The following ROBO1 variants were observed in gnomAD, a reference collection of about 807,000 sequenced individuals.
ROBO1 encodes the protein roundabout homolog 1.
A neutral mutation model predicts 195.9 loss-of-function variants in ROBO1; 149 were observed. The ratio of observed to expected loss-of-function variants is 0.76; its 90% CI spans 0.67 to 0.87. The LOEUF is 0.87. Ranked by LOEUF, ROBO1 falls within the 40% of genes least tolerant of loss-of-function variation. ROBO1 has a pLI of 0.00. For missense variants in ROBO1, 1,933 were observed against 2,068.3 expected, an observed-to-expected ratio of 0.93 and a Z score of 1.27; for synonymous variants, 816 against 733.2, an observed-to-expected ratio of 1.11 and a Z score of -1.82.
chr3:79,165,316 T>C (rs1185426716), intron 2 of ROBO1, among the ~76,000 whole-genome samples: 1 of 152,228 alleles, frequency 6.6e-6, no homozygotes, highest in Non-Finnish European at 1.5e-5. Flanking sequence ...AGATGTGGCA[T>C]TATAAGTAAT....
intron 3 of ROBO1, chr3:79,018,358 G>T: frequency 6.2e-7 from 1 of 1,609,252 alleles, no homozygotes; most frequent in Non-Finnish European, 8.5e-7. Flanking sequence ...AAAGTGGAGA[G>T]GGGGCGAACA....
chr3:78,637,122 C>T (rs1306358399), intron 22 of ROBO1, among the ~76,000 whole-genome samples: 7 of 142,570 alleles, frequency 4.9e-5, no homozygotes, highest in African/African-American at 1.7e-4. Context: ...CCAACATTAA[C>T]AAGTCACCTG....
intron 2 of ROBO1, among the ~76,000 whole-genome samples, chr3:79,348,067 C>T (rs371630321): frequency 9.9e-5 from 15 of 151,800 alleles, no homozygotes; most frequent in African/African-American, 2.4e-4. Context: ...AAAAATTAGC[C>T]GGGTGTGGTG....
intron 8 of ROBO1, among the ~76,000 whole-genome samples, chr3:78,695,143 T>TAGCA (rs1356668984): frequency 4.1e-5 from 6 of 145,786 alleles, no homozygotes; most frequent in African/African-American, 1.2e-4. Flanking sequence ...GGGGGAGGAC[T>TAGCA]AGCATTAGGA....
intron 2 of ROBO1, among the ~76,000 whole-genome samples, chr3:79,513,706 C>T (rs1940821180): frequency 3.0e-5 from 2 of 65,874 alleles, no homozygotes; most frequent in Admixed American, 2.4e-4. Flanking sequence ...CTGAATTTGC[C>T]ATGGAAAAAA....
intron 3 of ROBO1, among the ~76,000 whole-genome samples, chr3:78,945,904 G>A (rs2107734772): frequency 6.6e-6 from 1 of 151,906 alleles, no homozygotes; most frequent in East Asian, 1.9e-4. Flanking sequence ...CAATCAACTG[G>A]AAGAAAGGGT....
At chr3:79,155,611 G>A (rs2080845392) in intron 2 of ROBO1, among the ~76,000 whole-genome samples, 1 of 151,708 alleles carries the variant, frequency 6.6e-6, no homozygotes, top group Non-Finnish European at 1.5e-5. Context: ...AGTACATGTG[G>A]CAAGAACTGT....
At position 79,500,175 on chromosome 3, in the gene ROBO1, G is replaced by T. The variant is rs1200488617; in HGVS notation, c.88+89649C>A. ...AGAAGAAGTCTCGCTCTGTCGCCCA[G>T]GTTGGAGTGCAATGGTGCTATCTCA... On this transcript the variant is annotated intron_variant, in intron 2 of 30. Coordinates refer to ENST00000464233, the MANE Select transcript of ROBO1 (RefSeq NM_002941.4). 3.8e-4 allele frequency among the ~76,000 whole-genome samples: 52 copies of T among 137,494 alleles called. 1 individual carries two copies. The highest frequency in any genetic ancestry group is 3.1e-5 in the Non-Finnish European group (2 of 65,372). The allele number at this position is 137,494 out of a possible 152,430, so 90.2% of individuals were successfully genotyped here. A position where few individuals can be genotyped will look rare whatever the true frequency, so the allele number is the denominator to read the frequency against.
chr3:78,889,286 C>T (rs1209849576), intron 4 of ROBO1, among the ~76,000 whole-genome samples: 8 of 152,174 alleles, frequency 5.3e-5, no homozygotes, highest in African/African-American at 1.9e-4. Flanking sequence ...AGCACAGTTT[C>T]TCACATATGC....
chr3:79,724,304 A>AC (rs1702820165), intron 1 of ROBO1, among the ~76,000 whole-genome samples: 1 of 152,124 alleles, frequency 6.6e-6, no homozygotes, highest in African/African-American at 2.4e-5. Flanking sequence ...GAAACTCGAA[A>AC]CTCACTTTAA....
chr3:78,636,630 T>C (rs1434994771), intron 22 of ROBO1, among the ~76,000 whole-genome samples: 1 of 151,830 alleles, frequency 6.6e-6, no homozygotes, highest in Non-Finnish European at 1.5e-5. Flanking sequence ...GGAACAGGGG[T>C]AAAATGATAG....
intron 2 of ROBO1, among the ~76,000 whole-genome samples, chr3:79,514,713 T>G (rs1354499322): frequency 6.6e-6 from 1 of 152,116 alleles, no homozygotes; most frequent in Non-Finnish European, 1.5e-5. Context: ...GTGTGAGTGT[T>G]TATGAAACTG....
intron 4 of ROBO1, among the ~76,000 whole-genome samples, chr3:78,843,279 A>G (rs186048984): frequency 1.4e-4 from 21 of 152,250 alleles, no homozygotes; most frequent in Admixed American, 1.2e-3. Context: ...TCTGGTTTTC[A>G]GACTCAAAAT....
chr3:78,863,849 G>A (rs1220462390), intron 4 of ROBO1, among the ~76,000 whole-genome samples: 14 of 152,160 alleles, frequency 9.2e-5, no homozygotes, highest in Admixed American at 9.2e-4. Context: ...CATTTTTGGT[G>A]AGTGCTAGAT....
chr3:78,962,045 C>T (rs72910208), intron 3 of ROBO1, among the ~76,000 whole-genome samples: 22,018 of 151,796 alleles, frequency 0.15, 2,319 homozygotes, highest in African/African-American at 0.31. Context: ...CAGATAAATT[C>T]GTCAACCCTC....
rs201008751 is a variant in ROBO1 at position 78,618,020 on chromosome 3, A to G, written c.3897T>C (p.Pro1299=). 6.2e-7 allele frequency: 1 copy of G among 1,612,848 alleles called. No homozygotes were observed. The highest frequency in any genetic ancestry group is 8.5e-7 in the Non-Finnish European group (1 of 1,179,236). Residue 1299 remains proline (P), a synonymous_variant, in exon 27 of 31, where the codon CCT becomes CCC. Transcript: ENST00000464233. ...GAGGGGAGATCGGCCGTGGTGGTGGAGGAGGACTCACAGGCTGCCGTCTGT... is the reference window on the plus strand; with the variant it reads ...GAGGGGAGATCGGCCGTGGTGGTGGGGGAGGACTCACAGGCTGCCGTCTGT... ...PDRRRQPVSP[P]PPPRPISPPH... is the part of the protein sequence containing the mutation.
chr3:78,799,486 C>A (rs999816244), intron 4 of ROBO1, among the ~76,000 whole-genome samples: 16 of 152,000 alleles, frequency 1.1e-4, no homozygotes, highest in Admixed American at 5.2e-4. Context: ...GGACTACAGG[C>A]GCCCACCACC....
chr3:78,610,292 G>A (rs1703733427), intron 28 of ROBO1, among the ~76,000 whole-genome samples: 1 of 152,070 alleles, frequency 6.6e-6, no homozygotes. Flanking sequence ...TAACTACTAT[G>A]ATGTCCCCTC....
At chr3:78,995,047 A>C (rs896075641) in intron 3 of ROBO1, among the ~76,000 whole-genome samples, 2 of 152,182 alleles carry the variant, frequency 1.3e-5, no homozygotes, top group Non-Finnish European at 2.9e-5. Flanking sequence ...CGAAGCCAGA[A>C]GTGTCTATTC....
Sources: allele counts gnomAD v4.1 joint callset (sites outside exome capture counted in the v4.1 genomes callset), GRCh38; gene constraint gnomAD v4.1.1; transcripts MANE v1.5; gene names NCBI Gene and HGNC (gene_info 2026-07-23, HGNC 2026-07-21).